Variants in ANKRD18B observed in about 807,000 individuals in gnomAD.
ANKRD18B encodes ankyrin repeat domain 18B.
Under a neutral mutation model 111.8 loss-of-function variants are expected in ANKRD18B, and 75 were observed. That is an observed-to-expected ratio of 0.67 (90% CI 0.56 to 0.81). ANKRD18B has a LOEUF of 0.81. ANKRD18B is among the 40% of genes least tolerant of loss of function. ANKRD18B has a pLI of 0.00. For missense variants in ANKRD18B, 1,038 were observed against 1,225.5 expected (o/e 0.85, Z 2.28); for synonymous variants, 356 against 417.3 (o/e 0.85, Z 1.79).
Position 33,548,480 on chromosome 9 carries a change from A to G in ANKRD18B, c.1692A>G (p.Thr564=). ...CCTTAAAAGGTAAGCTCCGTGAGAC[A>G]AGAGATGCTCTCAGGGAAAAGACAT... The part of the protein sequence containing the change: ...FNTLKGKLRE[T]RDALREKTLA... Residue 564 remains threonine, a synonymous_variant, in exon 11 of 19, where the codon ACA becomes ACG. Transcript: ENST00000684830. 1.3e-6 allele frequency: 2 copies of G among 1,551,280 alleles called. No homozygotes were observed. Among genetic ancestry groups the G allele is most frequent in the East Asian group, 2.4e-5 (1 of 40,918 alleles).
chr9:33,556,003 C>A (rs1450032258), intron 13 of ANKRD18B, among the ~76,000 whole-genome samples, 183 bp downstream of exon 13: 3 of 151,880 alleles, frequency 2.0e-5, no homozygotes, highest in African/African-American at 7.3e-5. Flanking sequence ...AGCAGGAGTC[C>A]ATGACCCTTG....
At chr9:33,574,738 A>G (rs1479757265), downstream of ANKRD18B, 1 of 152,910 alleles carries the variant, frequency 6.5e-6, no homozygotes, top group East Asian at 1.9e-4. Flanking sequence ...ACACACCCAT[A>G]TGTACAGACA....
chr9:33,562,835 G>A (rs1477582216), intron 14 of ANKRD18B, among the ~76,000 whole-genome samples: 12 of 152,170 alleles, frequency 7.9e-5, no homozygotes, highest in African/African-American at 2.2e-4. Context: ...AAAGGAAAAT[G>A]AAAATCGAAT....
rs1828038250 is a variant in ANKRD18B at position 33,527,307 on chromosome 9, T to TC, written c.207-1420_207-1419insC. Among the ~76,000 whole-genome samples, 19 of 135,464 alleles carry TC rather than the reference T, an allele frequency of 1.4e-4. No individual in the cohort carries two copies. The Admixed American group carries it at 1.5e-3, about 10-fold the overall frequency. The allele number at this position is 135,464 out of a possible 152,430, so 88.9% of individuals were successfully genotyped here. ...GAGTTTCCTTTAGCTTCATGTTTCT[T>TC]TTTTTGTTTGTTTGTTTGTTTGTTT... On this transcript the variant is annotated intron_variant, in intron 1 of 18. Coordinates refer to ENST00000684830, the MANE Select transcript of ANKRD18B (RefSeq NM_001393611.1).
At chr9:33,532,340 A>G (rs1229565946) in intron 3 of ANKRD18B, among the ~76,000 whole-genome samples, 1 of 152,188 alleles carries the variant, frequency 6.6e-6, no homozygotes, top group Non-Finnish European at 1.5e-5. Flanking sequence ...TTGTATTTTT[A>G]TTTCTGATTT....
At chr9:33,554,848 A>G (rs946887601) in intron 12 of ANKRD18B, among the ~76,000 whole-genome samples, 20 of 152,148 alleles carry the variant, frequency 1.3e-4, no homozygotes, top group Non-Finnish European at 2.9e-4. Context: ...GCAGGCTTAC[A>G]GTTACAGTGG....
rs1157917164 is a variant in ANKRD18B at position 33,566,227 on chromosome 9, T to C, written c.2469T>C (p.Asp823=). ...LFKKLKQKFD[D]LMAEKEAVSS... ...TTATTTTATTAATGCAGTTTGATGATCTTATGGCCGAGAAGGAAGCTGTAT... is the reference window on the plus strand; with the variant it reads ...TTATTTTATTAATGCAGTTTGATGACCTTATGGCCGAGAAGGAAGCTGTAT... Residue 823 remains aspartate (D), a synonymous_variant, in exon 15 of 19, where the codon GAT becomes GAC. Coordinates refer to ENST00000684830, the MANE Select transcript of ANKRD18B (RefSeq NM_001393611.1). 6.4e-7 allele frequency: 1 copy of C among 1,555,018 alleles called. No individual in the cohort carries two copies. The highest frequency in any genetic ancestry group is 8.7e-7 in the Non-Finnish European group (1 of 1,147,908).
chr9:33,533,473 C>T lies in ANKRD18B; in HGVS notation c.530C>T (p.Ser177Phe), dbSNP rs566970080. 7.8e-6 allele frequency: 12 copies of T among 1,532,456 alleles called. No individual in the cohort carries two copies. In the East Asian group the frequency reaches 2.7e-4, roughly 35 times the overall value. 94.9% of individuals were successfully genotyped at this position (1,532,456 alleles called of 1,614,324 possible). The stretch of plus-strand genomic sequence containing the variant: ...ACTCCACTTTTGTTTGCTATAAATT[C>T]CAGGAGACAGCATATGGTGGAATTT... ...GNTPLLFAIN[S>F]RRQHMVEFLL... The change falls in exon 4 of 19, where the codon TCC becomes TTC. Residue 177 changes from serine (S) to phenylalanine (F), a missense_variant. Ser to Phe is a radical substitution (Grantham distance 155, BLOSUM62 -2). Coordinates refer to ENST00000684830, the MANE Select transcript of ANKRD18B (RefSeq NM_001393611.1).
chr9:33,571,008 A>G (rs1466341164), intron 17 of ANKRD18B, among the ~76,000 whole-genome samples: 2 of 152,146 alleles, frequency 1.3e-5, no homozygotes, highest in African/African-American at 2.4e-5. Flanking sequence ...AATATTATCT[A>G]TTTTTGTCAG....
rs529965994 is a variant in ANKRD18B at position 33,535,223 on chromosome 9, T to A, written c.740+716T>A. ...TTTGCCACCAGGATGCCCTTACTGA[T>A]TCAGATCCCTCACTCTTCATGGTGA... On this transcript the variant is annotated intron_variant, in intron 5 of 18. Coordinates refer to ENST00000684830, the MANE Select transcript of ANKRD18B (RefSeq NM_001393611.1). Among the ~76,000 whole-genome samples, 20 of 152,180 alleles carry A rather than the reference T, an allele frequency of 1.3e-4. No homozygotes were observed. In the South Asian group the frequency reaches 4.0e-3, roughly 30 times the overall value.
At chr9:33,541,338 A>C (rs1049058214) in intron 9 of ANKRD18B, 111 bp downstream of exon 9, 2 of 1,410,838 alleles carry the variant, frequency 1.4e-6, no homozygotes, top group Non-Finnish European at 1.9e-6. Flanking sequence ...CATGGAGTAC[A>C]TCAGTCTATT....
At chr9:33,558,307 A>G (rs1202857215) in intron 14 of ANKRD18B, 120 bp downstream of exon 14, 3 of 1,158,712 alleles carry the variant, frequency 2.6e-6, no homozygotes, top group East Asian at 5.4e-5. Flanking sequence ...TCCATCACCT[A>G]GGTATTAAGC....
chr9:33,531,907 C>T (rs1386608515), intron 3 of ANKRD18B, among the ~76,000 whole-genome samples: 1 of 151,836 alleles, frequency 6.6e-6, no homozygotes, highest in African/African-American at 2.4e-5. Context: ...ATATTGCAGA[C>T]ATTATATCTT....
At chr9:33,570,915 C>T (rs1408653896) in intron 17 of ANKRD18B, among the ~76,000 whole-genome samples, 5 of 152,118 alleles carry the variant, frequency 3.3e-5, no homozygotes, top group Admixed American at 6.5e-5. Flanking sequence ...GGATTACAGG[C>T]GTGAGCTGCC....
intron 9 of ANKRD18B, among the ~76,000 whole-genome samples, chr9:33,542,008 A>G (rs1259834768): frequency 1.3e-5 from 2 of 152,002 alleles, no homozygotes; most frequent in Admixed American, 6.6e-5. Context: ...GGCATGTGCT[A>G]TCTTTCCTGC....
At chr9:33,554,324 A>G (rs995997259) in intron 12 of ANKRD18B, among the ~76,000 whole-genome samples, 3 of 152,212 alleles carry the variant, frequency 2.0e-5, no homozygotes, top group African/African-American at 7.2e-5. Flanking sequence ...TAAAATAGAC[A>G]AGATTCACTA....
intron 10 of ANKRD18B, among the ~76,000 whole-genome samples, chr9:33,544,562 G>C (rs1352690478): frequency 1.3e-5 from 2 of 152,120 alleles, no homozygotes; most frequent in Non-Finnish European, 1.5e-5. Context: ...ACAATTCTGG[G>C]CGTGGTGGCT....
At position 33,532,968 on chromosome 9, in the gene ANKRD18B, C is replaced by T. The variant is rs775726316; in HGVS notation, c.496-471C>T. The stretch of plus-strand genomic sequence containing the variant: ...TCTTTTTGTTAGGGTACAGTTCTTT[C>T]GGTAAAACAACTACTCTTTGAAATA... On this transcript the variant is annotated intron_variant, in intron 3 of 18. Coordinates refer to ENST00000684830, the MANE Select transcript of ANKRD18B (RefSeq NM_001393611.1). 3.2e-4 allele frequency among the ~76,000 whole-genome samples: 48 copies of T among 152,106 alleles called. 1 individual carries two copies. Among genetic ancestry groups the T allele is most frequent in the South Asian group, 2.1e-4 (1 of 4,828 alleles).
chr9:33,548,378 T>C lies in ANKRD18B; in HGVS notation c.1590T>C (p.Gly530=), dbSNP rs1438256006. Residue 530 remains glycine, a synonymous_variant, in exon 11 of 19, where the codon GGT becomes GGC. Transcript: ENST00000684830. ...ADDVSRHETM[G]SNISQLTDKN... ...ATGTTTCTAGACATGAAACAATGGG[T>C]TCTAATATTTCTCAACTAACAGATA... 1.0e-5 allele frequency: 16 copies of C among 1,550,344 alleles called. No homozygotes were observed. Among genetic ancestry groups the C allele is most frequent in the African/African-American group, 1.4e-5 (1 of 72,926 alleles).
Sources: allele counts gnomAD v4.1 joint callset (sites outside exome capture counted in the v4.1 genomes callset), GRCh38; gene constraint gnomAD v4.1.1; transcripts MANE v1.5; gene names NCBI Gene and HGNC (gene_info 2026-07-23, HGNC 2026-07-21).